MIA3: variants seen among roughly 807,000 people sequenced by gnomAD.
MIA3 encodes the protein MIA SH3 domain ER export factor 3, also known as transport and Golgi organization protein 1 homolog.
Under a neutral mutation model 192.4 loss-of-function variants are expected in MIA3, and 90 were observed. That is an observed-to-expected ratio of 0.47 (90% CI 0.39 to 0.56). The LOEUF is 0.56. Ranked by LOEUF, MIA3 falls within the 20% of genes least tolerant of loss-of-function variation. MIA3 has a pLI of 0.00. For missense variants in MIA3, 2,123 were observed against 2,269.4 expected (o/e 0.94, Z 1.31); for synonymous variants, 740 against 792.8 (o/e 0.93, Z 1.12).
intron 6 of MIA3, chr1:222,644,576 A>C: frequency 6.4e-7 from 1 of 1,550,584 alleles, no homozygotes; most frequent in Non-Finnish European, 8.7e-7. Flanking sequence ...TTCATAGCCA[A>C]GCTGCTGGAG....
chr1:222,624,515 G>C (rs1662020346), intron 2 of MIA3, among the ~76,000 whole-genome samples: 1 of 152,160 alleles, frequency 6.6e-6, no homozygotes, highest in African/African-American at 2.4e-5. Flanking sequence ...AGTAAAAAGT[G>C]ATCTCTTGTG....
chr1:222,630,875 C>T (rs533061238), intron 4 of MIA3, among the ~76,000 whole-genome samples: 1 of 152,220 alleles, frequency 6.6e-6, no homozygotes, highest in Non-Finnish European at 1.5e-5. Context: ...CAGTTAAACC[C>T]TCCTGGGCCG....
intron 6 of MIA3, among the ~76,000 whole-genome samples, chr1:222,633,964 C>T (rs1470147241): frequency 6.6e-6 from 1 of 151,978 alleles, no homozygotes; most frequent in Non-Finnish European, 1.5e-5. Context: ...GATCCTCCTG[C>T]TTCAGTCTCC....
At chr1:222,635,442 C>T (rs974417722) in intron 6 of MIA3, among the ~76,000 whole-genome samples, 1 of 152,108 alleles carries the variant, frequency 6.6e-6, no homozygotes, top group African/African-American at 2.4e-5. Context: ...AAGATGCCGA[C>T]TTGAGAGGGA....
intron 26 of MIA3, 37 bp from the exon 27 acceptor site, chr1:222,663,961 A>G (rs752130833): frequency 6.3e-7 from 1 of 1,579,458 alleles, no homozygotes; most frequent in African/African-American, 1.4e-5. Context: ...CTGTCATACC[A>G]TAGTATTTCA....
At chr1:222,618,482 GC>G in intron 1 of MIA3, among the ~76,000 whole-genome samples, 1 of 152,316 alleles carries the variant, frequency 6.6e-6, no homozygotes, top group East Asian at 1.9e-4. Flanking sequence ...GACCATGGGG[GC>G]TGCACCTCCC....
Position 222,629,443 on chromosome 1 carries a change from G to T in MIA3, c.2223G>T (p.Arg741=). ...ATGAAAACGCTATAAATGCAAAACG[G>T]TCTAAAGAAAAAAACCCTGGGAATC... is the stretch of plus-strand genomic sequence containing the variant. ...LEDENAINAK[R]SKEKNPGNQG... Residue 741 remains arginine, a synonymous_variant, in exon 4 of 28, where the codon CGG becomes CGT. Transcript: ENST00000344922. 4 of 1,614,094 alleles carry T rather than the reference G, an allele frequency of 2.5e-6. No individual in the cohort carries two copies. Among genetic ancestry groups the T allele is most frequent in the Non-Finnish European group, 3.4e-6 (4 of 1,180,024 alleles).
intron 2 of MIA3, among the ~76,000 whole-genome samples, chr1:222,622,129 C>T (rs1661899319): frequency 6.6e-6 from 1 of 152,132 alleles, no homozygotes; most frequent in African/African-American, 2.4e-5. Context: ...TGTTTGCAGC[C>T]TTGGGGTCAT....
chr1:222,626,108 G>T (rs949730232), intron 3 of MIA3, among the ~76,000 whole-genome samples: 4 of 152,192 alleles, frequency 2.6e-5, no homozygotes, highest in Non-Finnish European at 4.4e-5. Flanking sequence ...ATTGATGTCT[G>T]CTTTCATTCA....
At position 222,666,934 on chromosome 1, in the gene MIA3, CACACTAAAACTA is replaced by C. The variant is rs1334356549; in HGVS notation, c.*1317_*1328del. The C allele has an allele frequency of 1.3e-5, 2 of 151,302 alleles. No individual in the cohort carries two copies. The highest frequency in any genetic ancestry group is 4.9e-5 in the African/African-American group (2 of 41,062). The allele number at this position is 151,302 out of a possible 1,614,324, so 9.4% of individuals were successfully genotyped here. A position where few individuals can be genotyped will look rare whatever the true frequency, so the allele number is the denominator to read the frequency against. ...CACTCCTTTTAAGGAGTTTCAGATCCACACTAAAACTAAAATCATAAAAGGCTGATACTTTTG... is the reference window on the plus strand; with the variant it reads ...CACTCCTTTTAAGGAGTTTCAGATCCAAATCATAAAAGGCTGATACTTTTG... On this transcript the variant is annotated 3_prime_UTR_variant, in exon 28 of 28. Coordinates refer to ENST00000344922, the MANE Select transcript of MIA3 (RefSeq NM_198551.4).
chr1:222,649,933 A>C (rs1663337013), intron 8 of MIA3: 2 of 265,822 alleles, frequency 7.5e-6, no homozygotes, highest in South Asian at 8.2e-5. Context: ...TGGTGGGAGC[A>C]GGAGCAAGAG....
chr1:222,643,978 C>G (rs915859396), intron 6 of MIA3, among the ~76,000 whole-genome samples: 1 of 152,192 alleles, frequency 6.6e-6, no homozygotes. Context: ...AGTGGCGCCC[C>G]ATCTGAGCGG....
At position 222,629,752 on chromosome 1, in the gene MIA3, G is replaced by A; in HGVS notation, c.2532G>A (p.Val844=). ...IKIQTPELGE[V]FQNKDSDYLK... ...TTCAGACTCCAGAATTAGGTGAAGT[G>A]TTTCAGAATAAAGATTCTGATTATC... is the stretch of plus-strand genomic sequence containing the variant. The change falls in exon 4 of 28, where the codon GTG becomes GTA. Residue 844 remains valine (V), a synonymous_variant. Coordinates refer to ENST00000344922, the MANE Select transcript of MIA3 (RefSeq NM_198551.4). 6.2e-7 allele frequency: 1 copy of A among 1,614,186 alleles called. No individual in the cohort carries two copies. The highest frequency in any genetic ancestry group is 8.5e-7 in the Non-Finnish European group (1 of 1,180,030).
rs1457920166 is a variant in MIA3 at position 222,630,111 on chromosome 1, A to G, written c.2891A>G (p.Gln964Arg). 6.2e-7 allele frequency: 1 copy of G among 1,614,252 alleles called. No individual in the cohort carries two copies. The highest frequency in any genetic ancestry group is 1.7e-5 in the Admixed American group (1 of 60,032). ...EMSSKLKSAQ[Q>R]ESLPYNMEKV... ...TCATCAAAACTGAAGTCAGCGCAGCAGGAGAGCCTGCCCTATAATATGGAA... is the reference window on the plus strand; with the variant it reads ...TCATCAAAACTGAAGTCAGCGCAGCGGGAGAGCCTGCCCTATAATATGGAA... The change falls in exon 4 of 28, where the codon CAG becomes CGG. Residue 964 changes from glutamine to arginine, a missense_variant. By Grantham distance (43) the Gln-to-Arg change is conservative (BLOSUM62 1). This residue lies in a region of MIA3 where 1,357 missense variants were observed against 1,396.1 expected (regional missense o/e 0.97). Transcript: ENST00000344922.
chr1:222,654,893 T>A, intron 18 of MIA3, 100 bp downstream of exon 18: 1 of 1,034,476 alleles, frequency 9.7e-7, no homozygotes, highest in Non-Finnish European at 1.4e-6. Flanking sequence ...TGTACTCTTT[T>A]GCATCTGTAA....
In MIA3 at chr1:222,628,395, C is replaced by T. The variant is rs1312893711; in HGVS notation, c.1175C>T (p.Thr392Ile). The change falls in exon 4 of 28, where the codon ACA becomes ATA. Residue 392 changes from threonine to isoleucine, a missense_variant. Coordinates refer to ENST00000344922, the MANE Select transcript of MIA3 (RefSeq NM_198551.4). ...GGGGACACTATCTTCTCTATTGTCA[C>T]AGGAGGTGAAGAAACAAGAGATACG... ...TWGDTIFSIVTGGEETRDTMD... is the reference protein window; with the variant it reads ...TWGDTIFSIVIGGEETRDTMD... The T allele has an allele frequency of 2.5e-6, 4 of 1,613,862 alleles. No homozygotes were observed. The highest frequency in any genetic ancestry group is 2.2e-5 in the South Asian group (2 of 91,008).
chr1:222,643,587 A>T (rs753445455), intron 6 of MIA3, among the ~76,000 whole-genome samples: 7 of 152,032 alleles, frequency 4.6e-5, no homozygotes, highest in Non-Finnish European at 8.8e-5. Flanking sequence ...CCACAGATTA[A>T]ATGTCCCCGG....
Position 222,662,343 on chromosome 1 carries a change from C to T in MIA3, c.5262+11C>T. 4 of 1,609,968 alleles carry T rather than the reference C, an allele frequency of 2.5e-6. No individual in the cohort carries two copies. The highest frequency in any genetic ancestry group is 1.7e-6 in the Non-Finnish European group (2 of 1,176,314). On this transcript the variant is annotated intron_variant, in intron 26 of 27. Coordinates refer to ENST00000344922, the MANE Select transcript of MIA3 (RefSeq NM_198551.4). ...CTCGATGAAGGCAAGGTAAATGCAC[C>T]CATTTTGAATAATTAGTTATTTCAG... is the stretch of plus-strand genomic sequence containing the variant.
chr1:222,659,558 A>G (rs758326777), intron 20 of MIA3, 45 bp downstream of exon 20: 1 of 1,611,192 alleles, frequency 6.2e-7, no homozygotes, highest in South Asian at 1.1e-5. Flanking sequence ...GAATTCTTTG[A>G]TAACTAATAG....
Sources: allele counts gnomAD v4.1 joint callset (sites outside exome capture counted in the v4.1 genomes callset), GRCh38; gene constraint gnomAD v4.1.1; regional missense constraint gnomAD v4.1.1; transcripts MANE v1.5; gene names NCBI Gene and HGNC (gene_info 2026-07-23, HGNC 2026-07-21).